Variants in HMCN1 observed in about 807,000 individuals in gnomAD.
HMCN1 encodes the protein hemicentin 1, also known as hemicentin-1.
A neutral mutation model predicts 625.9 loss-of-function variants in HMCN1; 321 were observed. The observed-to-expected ratio is 0.51, with a 90% CI of 0.47 to 0.56. HMCN1 has a LOEUF of 0.56. HMCN1 is among the 20% of genes least tolerant of loss of function. The probability of loss-of-function intolerance (pLI) is 0.00; values close to 1 mark genes in which losing one functional copy is unlikely to be tolerated. For synonymous variants in HMCN1, 2,425 were observed against 2,417.6 expected (o/e 1.00, Z -0.09); for missense variants, 6,588 against 6,887.3 (o/e 0.96, Z 1.54).
chr1:186,093,459 C>T (rs1197580483), intron 65 of HMCN1, 27 bp from the exon 66 acceptor site: 5 of 1,609,458 alleles, frequency 3.1e-6, no homozygotes, highest in Middle Eastern at 1.8e-4. Flanking sequence ...TCCCTCTTCC[C>T]TCTCTCTCAC....
intron 11 of HMCN1, among the ~76,000 whole-genome samples, chr1:185,943,654 A>T (rs532261644): frequency 6.8e-4 from 103 of 152,168 alleles, no homozygotes; most frequent in Non-Finnish European, 1.3e-3. Context: ...TCAACAGCCC[A>T]GAAGCTCTCT....
intron 11 of HMCN1, among the ~76,000 whole-genome samples, chr1:185,936,007 A>G (rs1375301774): frequency 2.6e-5 from 4 of 152,170 alleles, no homozygotes; most frequent in African/African-American, 9.6e-5. Context: ...GTTTTAGAAA[A>G]CTTAAAAGAC....
intron 1 of HMCN1, among the ~76,000 whole-genome samples, chr1:185,835,928 T>C (rs536842633): frequency 1.4e-4 from 21 of 152,308 alleles, no homozygotes; most frequent in Non-Finnish European, 2.9e-4. Context: ...GAATTCTTTG[T>C]ATATTCAATA....
chr1:186,147,338 ATTGT>A lies in HMCN1; in HGVS notation c.14608+1418_14608+1421del, dbSNP rs1270286583. 1.7e-4 allele frequency among the ~76,000 whole-genome samples: 25 copies of A among 149,690 alleles called. No individual in the cohort carries two copies. In the Middle Eastern group the frequency reaches 0.011, roughly 65 times the overall value. On this transcript the variant is annotated intron_variant, in intron 93 of 106. Transcript: ENST00000271588. ...CCTTACATTTATTTGTGGGATTTAG[ATTGT>A]TTTTCTCCCCAATTCAGACATAAGC...
intron 1 of HMCN1, among the ~76,000 whole-genome samples, chr1:185,808,311 C>A (rs1416241714): frequency 6.6e-6 from 1 of 152,084 alleles, no homozygotes; most frequent in African/African-American, 2.4e-5. Flanking sequence ...CATGCCACTG[C>A]ACTCCAGCCT....
At chr1:186,087,149 T>C (rs1022487458) in intron 58 of HMCN1, 68 bp from the exon 59 acceptor site, 30 of 948,148 alleles carry the variant, frequency 3.2e-5, no homozygotes, top group Non-Finnish European at 5.1e-5. Flanking sequence ...GCTATTTATC[T>C]GATTGGTAAA....
intron 82 of HMCN1, 112 bp downstream of exon 82, chr1:186,125,906 T>C: frequency 1.3e-6 from 1 of 771,556 alleles, no homozygotes; most frequent in Non-Finnish European, 2.1e-6. Flanking sequence ...AAAATATTCT[T>C]GTAAAATCAG....
At chr1:185,951,545 C>T (rs1190832421) in intron 11 of HMCN1, among the ~76,000 whole-genome samples, 3 of 150,414 alleles carry the variant, frequency 2.0e-5, no homozygotes, top group African/African-American at 2.4e-5. Context: ...CTGAGGCGAT[C>T]GGGCAGTGTC....
chr1:185,826,522 T>C (rs1158026143), intron 1 of HMCN1, among the ~76,000 whole-genome samples: 1 of 152,120 alleles, frequency 6.6e-6, no homozygotes, highest in Non-Finnish European at 1.5e-5. Context: ...GGATACACAC[T>C]GAGATGCAAT....
intron 105 of HMCN1, among the ~76,000 whole-genome samples, chr1:186,184,915 ATTTCTT>A (rs1653185083): frequency 6.6e-6 from 1 of 152,086 alleles, no homozygotes; most frequent in Admixed American, 6.6e-5. Flanking sequence ...CACAATTTCT[ATTTCTT>A]TTTCTGTCTT....
chr1:185,834,851 G>C (rs1262479732), intron 1 of HMCN1, among the ~76,000 whole-genome samples: 1 of 152,120 alleles, frequency 6.6e-6, no homozygotes, highest in East Asian at 1.9e-4. Flanking sequence ...AGACATTCAG[G>C]AGGCTTTCCC....
At chr1:186,070,827 T>TA in intron 52 of HMCN1, 70 bp downstream of exon 52, 1 of 1,429,044 alleles carries the variant, frequency 7.0e-7, no homozygotes, top group Non-Finnish European at 9.9e-7. Context: ...AAAGAAATAA[T>TA]AAAATAGACA....
chr1:185,750,063 A>G (rs1352671652), intron 1 of HMCN1, among the ~76,000 whole-genome samples: 1 of 152,116 alleles, frequency 6.6e-6, no homozygotes, highest in Admixed American at 6.6e-5. Flanking sequence ...ATTTTTCTTT[A>G]TAGAATTTAG....
In HMCN1 at chr1:186,190,022, T is replaced by C. The variant is rs890744526; in HGVS notation, c.*144T>C. 4.4e-6 allele frequency: 4 copies of C among 900,766 alleles called. No individual in the cohort carries two copies. The African/African-American group carries it at 6.5e-5, about 15-fold the overall frequency. The allele number at this position is 900,766 out of a possible 1,614,324, so 55.8% of individuals were successfully genotyped here. A position where few individuals can be genotyped will look rare whatever the true frequency, so the allele number is the denominator to read the frequency against. On this transcript the variant is annotated 3_prime_UTR_variant, in exon 107 of 107. Coordinates refer to ENST00000271588, the MANE Select transcript of HMCN1 (RefSeq NM_031935.3). ...ACTCTGTTTTGTGTGCCTTCCTTGG[T>C]ACTTCTGAGGTATTTTCATGATCCC...
chr1:186,153,014 G>A (rs1650772774), intron 96 of HMCN1, 143 bp downstream of exon 96: 2 of 1,178,112 alleles, frequency 1.7e-6, no homozygotes, highest in Non-Finnish European at 1.2e-6. Flanking sequence ...TCTGATCTTT[G>A]TTTAAAAATC....
rs140463122 is a variant in HMCN1 at position 185,822,375 on chromosome 1, AAC to A, written c.269-23649_269-23648del. ...TCTGAACCTAAAACTTCTCTGAAAA[AAC>A]AGTCTTAAAACATAAAATAAGCTTT... On this transcript the variant is annotated intron_variant, in intron 1 of 106. Coordinates refer to ENST00000271588, the MANE Select transcript of HMCN1 (RefSeq NM_031935.3). Among the ~76,000 whole-genome samples, 1,010 of 152,182 alleles carry A rather than the reference AAC, an allele frequency of 6.6e-3. 9 individuals carry two copies. The highest frequency in any genetic ancestry group is 0.023 in the African/African-American group (958 of 41,504).
chr1:185,791,900 A>G (rs995305399), intron 1 of HMCN1, among the ~76,000 whole-genome samples: 2 of 152,198 alleles, frequency 1.3e-5, no homozygotes, highest in Non-Finnish European at 2.9e-5. Flanking sequence ...TTTTTCTGTC[A>G]CTTGCTCCAG....
At chr1:186,086,549 T>G in intron 58 of HMCN1, 142 bp downstream of exon 58, 1 of 843,314 alleles carries the variant, frequency 1.2e-6, no homozygotes, top group Non-Finnish European at 1.9e-6. Context: ...TGCCCATTTG[T>G]GGTCATTAAG....
intron 11 of HMCN1, among the ~76,000 whole-genome samples, chr1:185,955,187 A>T (rs1425807481): frequency 6.6e-6 from 1 of 152,074 alleles, no homozygotes. Context: ...CCCCATTCCA[A>T]TCCATCTTCC....
Sources: gnomAD v4.1 joint callset for allele counts (sites outside exome capture counted in the v4.1 genomes callset) on GRCh38, gnomAD v4.1.1 for gene constraint, MANE v1.5 for transcripts, NCBI Gene and HGNC (gene_info 2026-07-23, HGNC 2026-07-21) for gene names.